ZNF385C: variants seen among roughly 807,000 people sequenced by gnomAD.
ZNF385C encodes the protein zinc finger protein 385C.
A neutral mutation model predicts 35.4 loss-of-function variants in ZNF385C; 28 were observed. That is an observed-to-expected ratio of 0.79 (90% CI 0.59 to 1.08). The LOEUF is 1.08. Among genes scored for constraint, ZNF385C ranks in the 50% least tolerant of loss-of-function variants. The probability of loss-of-function intolerance (pLI) is 0.00; values close to 1 mark genes in which losing one functional copy is unlikely to be tolerated. For synonymous variants in ZNF385C, 248 were observed against 248.2 expected (o/e 1.00, Z 0.01); for missense variants, 605 against 595.6 (o/e 1.02, Z -0.16).
intron 1 of ZNF385C, among the ~76,000 whole-genome samples, chr17:42,066,004 A>G (rs1458333262): frequency 6.6e-6 from 1 of 151,812 alleles, no homozygotes; most frequent in Non-Finnish European, 1.5e-5. Context: ...TCTATAATCT[A>G]TGTAATATGC....
intron 2 of ZNF385C, among the ~76,000 whole-genome samples, chr17:42,054,768 G>C (rs983137745): frequency 1.7e-4 from 26 of 152,014 alleles, no homozygotes; most frequent in Admixed American, 1.0e-3. Flanking sequence ...TTTTAGTAGA[G>C]AGGAGGTTTC....
rs149669625 is a variant in ZNF385C, at chr17:42,092,049, G to A, written c.-3+6361C>T. On this transcript the variant is annotated intron_variant, in intron 1 of 8. Transcript: ENST00000692273. ...CCAGGTTCCAGTCCAGGTTCTGCTA[G>A]AAGATTGATTCTGCGAAAGTTCCTT... is the stretch of plus-strand genomic sequence containing the variant. Among the ~76,000 whole-genome samples, 246 of 152,324 alleles carry A rather than the reference G, an allele frequency of 1.6e-3. 2 individuals carry two copies. Among genetic ancestry groups the A allele is most frequent in the African/African-American group, 5.6e-3 (232 of 41,562 alleles).
At chr17:42,041,194 G>C in intron 2 of ZNF385C, 1 of 1,232,528 alleles carries the variant, frequency 8.1e-7, no homozygotes, top group Non-Finnish European at 1.0e-6. Context: ...GGCCACCTGG[G>C]ACAGCCAGGG....
At chr17:42,091,048 G>A (rs901659622) in intron 1 of ZNF385C, among the ~76,000 whole-genome samples, 3 of 152,154 alleles carry the variant, frequency 2.0e-5, no homozygotes, top group Non-Finnish European at 4.4e-5. Context: ...CAGTAGGCTG[G>A]GGCTTGGGGG....
rs1362707217 is a variant in ZNF385C, at chr17:42,090,901, T to C, written c.-3+7509A>G. ...CGTCTCAAAAAAAAGAGAACCTATCTTGTTCCCTCTTGGAACCCTGTCTTG... is the reference window on the plus strand; with the variant it reads ...CGTCTCAAAAAAAAGAGAACCTATCCTGTTCCCTCTTGGAACCCTGTCTTG... On this transcript the variant is annotated intron_variant, in intron 1 of 8. Transcript: ENST00000692273. 2.6e-5 allele frequency among the ~76,000 whole-genome samples: 4 copies of C among 152,050 alleles called. No individual in the cohort carries two copies. The East Asian group carries it at 7.9e-4, about 30-fold the overall frequency.
intron 2 of ZNF385C, chr17:42,039,759 C>T: frequency 8.1e-7 from 1 of 1,232,450 alleles, no homozygotes; most frequent in Non-Finnish European, 1.0e-6. Flanking sequence ...CTAAGAACTC[C>T]ACAGCCAACC....
intron 2 of ZNF385C, chr17:42,040,419 G>A: frequency 8.1e-7 from 1 of 1,232,078 alleles, no homozygotes; most frequent in Non-Finnish European, 1.0e-6. Flanking sequence ...GAGCTTGGAG[G>A]GAGGCCGCAG....
chr17:42,092,878 A>C (rs1287725869), intron 1 of ZNF385C, among the ~76,000 whole-genome samples: 10 of 135,574 alleles, frequency 7.4e-5, no homozygotes, highest in African/African-American at 2.8e-4. Flanking sequence ...AGGGTAGAGA[A>C]GTCTGGGGCT....
intron 1 of ZNF385C, among the ~76,000 whole-genome samples, chr17:42,090,552 T>C (rs1202369558): frequency 6.6e-6 from 1 of 151,496 alleles, no homozygotes; most frequent in Non-Finnish European, 1.5e-5. Context: ...CCCAAAGTGC[T>C]GGGATTACAG....
chr17:42,055,495 A>G (rs1193727093), intron 2 of ZNF385C, among the ~76,000 whole-genome samples: 1 of 152,036 alleles, frequency 6.6e-6, no homozygotes, highest in Non-Finnish European at 1.5e-5. Context: ...ACCTGCCACC[A>G]AGGGAGAATA....
At chr17:42,086,552 A>G (rs2053810268) in intron 1 of ZNF385C, among the ~76,000 whole-genome samples, 1 of 151,878 alleles carries the variant, frequency 6.6e-6, no homozygotes, top group Admixed American at 6.6e-5. Flanking sequence ...AAATACAAAA[A>G]TTAGCCAGCC....
intron 2 of ZNF385C, chr17:42,043,612 G>T: frequency 2.8e-6 from 1 of 353,984 alleles, no homozygotes. Context: ...GTCATGGTAG[G>T]GGTGGTTTAG....
At chr17:42,044,887 C>A (rs1412686198) in intron 2 of ZNF385C, among the ~76,000 whole-genome samples, 1 of 151,516 alleles carries the variant, frequency 6.6e-6, no homozygotes, top group Non-Finnish European at 1.5e-5. Context: ...AAAGCCATGT[C>A]CAGCCATTGG....
At chr17:42,054,581 T>TC (rs2053342277) in intron 2 of ZNF385C, among the ~76,000 whole-genome samples, 2 of 66,588 alleles carry the variant, frequency 3.0e-5, no homozygotes, top group South Asian at 1.5e-3. Flanking sequence ...CACTAGAACT[T>TC]CTTTTTTTTT....
chr17:42,068,616 A>G (rs1555658591), intron 1 of ZNF385C, among the ~76,000 whole-genome samples: 1 of 152,188 alleles, frequency 6.6e-6, no homozygotes, highest in African/African-American at 2.4e-5. Flanking sequence ...CAGCCTCCCA[A>G]GTAGCTGGGA....
intron 2 of ZNF385C, among the ~76,000 whole-genome samples, chr17:42,058,680 G>A (rs1457127660): frequency 6.6e-6 from 1 of 152,110 alleles, no homozygotes; most frequent in African/African-American, 2.4e-5. Flanking sequence ...TATTTTTTGA[G>A]ATGGAGTCTC....
intron 3 of ZNF385C, 47 bp downstream of exon 3, chr17:42,037,690 A>T (rs1598182383): frequency 6.8e-7 from 1 of 1,461,364 alleles, no homozygotes; most frequent in African/African-American, 1.4e-5. Flanking sequence ...TTCTGTGCCC[A>T]CCCACAAGCT....
In ZNF385C at chr17:42,095,324, C is replaced by A. The variant is rs996482244; in HGVS notation, c.-3+3086G>T. Among the ~76,000 whole-genome samples the A allele has an allele frequency of 2.6e-5, 4 of 152,226 alleles. No homozygotes were observed. On this transcript the variant is annotated intron_variant, in intron 1 of 8. Transcript: ENST00000692273. The surrounding 1 kb of genome is among the most constrained non-coding windows in gnomAD (Gnocchi z 4.4). ...GGGATGACCCCCGCCGCCTGGCCAG[C>A]TGACCCCACAGTCTCCCCTGTCCCA...
At chr17:42,076,977 G>A (rs1490879583) in intron 1 of ZNF385C, among the ~76,000 whole-genome samples, 2 of 152,048 alleles carry the variant, frequency 1.3e-5, no homozygotes, top group African/African-American at 2.4e-5. Context: ...AGAAAATGAC[G>A]CTTAGTCTAA....
Sources: allele counts gnomAD v4.1 joint callset (sites outside exome capture counted in the v4.1 genomes callset), GRCh38; gene constraint gnomAD v4.1.1; non-coding constraint Gnocchi (gnomAD v3.1); transcripts MANE v1.5; gene names NCBI Gene and HGNC (gene_info 2026-07-23, HGNC 2026-07-21).